The following CGNL1 variants were observed in gnomAD, a reference collection of about 807,000 sequenced individuals.
CGNL1 encodes cingulin like 1.
In CGNL1, 132 loss-of-function variants were observed where a neutral mutation model predicts 141.2. That is an observed-to-expected ratio of 0.93 (90% CI 0.81 to 1.08). The LOEUF is 1.08. Among genes scored for constraint, CGNL1 ranks in the 50% least tolerant of loss-of-function variants. CGNL1 has a pLI of 0.00. For synonymous variants in CGNL1, 690 were observed against 622.1 expected, an observed-to-expected ratio of 1.11 and a Z score of -1.63; for missense variants, 1,870 against 1,588.6, an observed-to-expected ratio of 1.18 and a Z score of -3.01.
At chr15:57,409,266 C>T (rs965634436) in intron 1 of CGNL1, among the ~76,000 whole-genome samples, 1 of 152,142 alleles carries the variant, frequency 6.6e-6, no homozygotes, top group East Asian at 1.9e-4. Context: ...CATTTGGAGA[C>T]GTGTGAGTAG....
At chr15:57,403,383 A>C (rs2062681029) in intron 1 of CGNL1, among the ~76,000 whole-genome samples, 1 of 152,184 alleles carries the variant, frequency 6.6e-6, no homozygotes, top group African/African-American at 2.4e-5. Flanking sequence ...TTTCCCCCCA[A>C]CAACATTAAA....
At chr15:57,517,485 A>C (rs1234448910) in intron 9 of CGNL1, among the ~76,000 whole-genome samples, 1 of 152,246 alleles carries the variant, frequency 6.6e-6, no homozygotes, top group Non-Finnish European at 1.5e-5. Context: ...ACAATGAAAG[A>C]GGAGACACAC....
intron 1 of CGNL1, among the ~76,000 whole-genome samples, chr15:57,437,397 A>G (rs1191264356): frequency 6.6e-6 from 1 of 152,160 alleles, no homozygotes; most frequent in Non-Finnish European, 1.5e-5. Flanking sequence ...ATATTCAAAT[A>G]GTAGTGTTAA....
chr15:57,468,103 A>C (rs1287411086), intron 8 of CGNL1, among the ~76,000 whole-genome samples: 1 of 152,202 alleles, frequency 6.6e-6, no homozygotes, highest in Admixed American at 6.5e-5. Flanking sequence ...AAACAAGATC[A>C]GCCATGCATT....
chr15:57,395,867 A>AT (rs34041469), intron 1 of CGNL1, among the ~76,000 whole-genome samples: 26 of 151,920 alleles, frequency 1.7e-4, no homozygotes, highest in Non-Finnish European at 3.4e-4. Context: ...GTTAAAAAAC[A>AT]TTTTTTTTAA....
intron 1 of CGNL1, among the ~76,000 whole-genome samples, chr15:57,410,603 A>G: frequency 6.6e-6 from 1 of 152,218 alleles, no homozygotes; most frequent in Non-Finnish European, 1.5e-5. Context: ...ACGTGTGTGT[A>G]GCAGGGAGGG....
chr15:57,519,864 A>G (rs114488778), intron 10 of CGNL1, among the ~76,000 whole-genome samples: 4,059 of 152,306 alleles, frequency 0.027, 192 homozygotes, highest in African/African-American at 0.092. Flanking sequence ...GGTCTCTCAG[A>G]ACCTTTCCTT....
At chr15:57,546,775 A>G (rs2032892227) in intron 18 of CGNL1, among the ~76,000 whole-genome samples, 1 of 152,054 alleles carries the variant, frequency 6.6e-6, no homozygotes, top group African/African-American at 2.4e-5. Flanking sequence ...GGTATGAGGT[A>G]AGGTTCATGA....
chr15:57,473,340 G>C (rs371595958), intron 8 of CGNL1, among the ~76,000 whole-genome samples: 30 of 152,236 alleles, frequency 2.0e-4, no homozygotes, highest in African/African-American at 7.0e-4. Context: ...AAAATTTGGC[G>C]TTATGATTTG....
At chr15:57,528,978 G>A (rs2031792329) in intron 13 of CGNL1, 163 bp downstream of exon 13, 3 of 667,586 alleles carry the variant, frequency 4.5e-6, no homozygotes, top group South Asian at 2.0e-5. Context: ...GAAGGAAGGG[G>A]CCAGTCATTT....
chr15:57,378,361 G>GTGTTT (rs1567082644), intron 1 of CGNL1, among the ~76,000 whole-genome samples: 4 of 42,854 alleles, frequency 9.3e-5, no homozygotes, highest in African/African-American at 3.5e-4. Flanking sequence ...GGCCCTCTAT[G>GTGTTT]TGTTTTTTTT....
intron 5 of CGNL1, 24 bp downstream of exon 5, chr15:57,451,625 A>AT: frequency 1.3e-6 from 2 of 1,509,024 alleles, no homozygotes; most frequent in South Asian, 2.3e-5. Flanking sequence ...CCTTTATGTT[A>AT]TTTTTTCCAT....
chr15:57,440,515 G>A (rs1210571137), intron 3 of CGNL1, 44 bp downstream of exon 3: 1 of 1,399,986 alleles, frequency 7.1e-7, no homozygotes, highest in Admixed American at 2.0e-5. Flanking sequence ...TGTTGTTTCT[G>A]GTGGGACTCT....
At chr15:57,400,508 G>A (rs1161750685) in intron 1 of CGNL1, among the ~76,000 whole-genome samples, 1 of 152,092 alleles carries the variant, frequency 6.6e-6, no homozygotes. Flanking sequence ...AGAAAATGGT[G>A]GGCTTCACAG....
At chr15:57,511,458 T>C (rs1486935977) in intron 8 of CGNL1, among the ~76,000 whole-genome samples, 1 of 152,182 alleles carries the variant, frequency 6.6e-6, no homozygotes, top group East Asian at 1.9e-4. Flanking sequence ...TATATGTCAT[T>C]TTGCACACAT....
intron 8 of CGNL1, among the ~76,000 whole-genome samples, chr15:57,493,859 G>A (rs1039442985): frequency 4.6e-5 from 7 of 152,222 alleles, no homozygotes; most frequent in Non-Finnish European, 8.8e-5. Context: ...CAAATAAAAA[G>A]TAGTTATGGA....
At chr15:57,378,228 A>C (rs2062385857) in intron 1 of CGNL1, among the ~76,000 whole-genome samples, 2 of 152,146 alleles carry the variant, frequency 1.3e-5, no homozygotes, top group African/African-American at 4.8e-5. Flanking sequence ...TAGTAATGTG[A>C]TAGTCTCCGG....
At chr15:57,434,657 C>CA (rs2063083669) in intron 1 of CGNL1, among the ~76,000 whole-genome samples, 1 of 152,002 alleles carries the variant, frequency 6.6e-6, no homozygotes, top group Non-Finnish European at 1.5e-5. Flanking sequence ...AGGTCACACA[C>CA]AAAGGAAAGG....
intron 8 of CGNL1, among the ~76,000 whole-genome samples, chr15:57,504,457 A>G (rs771260315): frequency 1.3e-5 from 2 of 152,194 alleles, no homozygotes; most frequent in African/African-American, 2.4e-5. Context: ...TTTTTAATGG[A>G]TGTGAGCCAG....
Sources: gnomAD v4.1 joint callset for allele counts (sites outside exome capture counted in the v4.1 genomes callset) on GRCh38, gnomAD v4.1.1 for gene constraint, MANE v1.5 for transcripts, NCBI Gene and HGNC (gene_info 2026-07-23, HGNC 2026-07-21) for gene names.